Variants in TCF21 observed in about 807,000 individuals in gnomAD.
TCF21 encodes the protein transcription factor 21.
TCF21 carries 3 observed loss-of-function variants against 13.5 expected under a neutral mutation model. The observed-to-expected ratio is 0.22, with a 90% CI of 0.10 to 0.57. The LOEUF (loss-of-function observed/expected upper bound fraction) is 0.57, where lower values mean the gene tolerates loss of function less well. Ranked by LOEUF, TCF21 falls within the 20% of genes least tolerant of loss-of-function variation. The probability of loss-of-function intolerance (pLI) is 0.92; values close to 1 mark genes in which losing one functional copy is unlikely to be tolerated. For synonymous variants in TCF21, 92 were observed against 101.7 expected, an observed-to-expected ratio of 0.90 and a Z score of 0.57; for missense variants, 181 against 238.4, an observed-to-expected ratio of 0.76 and a Z score of 1.59.
At chr6:133,891,583 G>T in intron 1 of TCF21, 130 bp from the exon 2 acceptor site, 1 of 983,124 alleles carries the variant, frequency 1.0e-6, no homozygotes, top group Middle Eastern at 3.1e-4. Flanking sequence ...GGAGTAAATT[G>T]CAGAGATAAC....
Position 133,889,595 on chromosome 6 carries a change from G to A in TCF21, c.198G>A (p.Lys66=), listed in dbSNP as rs1350290268. The part of the protein sequence containing the change: ...LGKRRKAPTK[K]SPLSGVSQEG... The stretch of plus-strand genomic sequence containing the variant: ...AGAGGAGGAAGGCGCCCACCAAGAA[G>A]AGCCCCCTGAGCGGGGTCAGCCAGG... The change falls in exon 1 of 2, where the codon AAG becomes AAA. Residue 66 remains lysine, a synonymous_variant. Transcript: ENST00000367882. The surrounding 1 kb of genome is among the most constrained non-coding windows in gnomAD (Gnocchi z 5.1). 1.7e-5 allele frequency: 28 copies of A among 1,613,948 alleles called. No individual in the cohort carries two copies. The highest frequency in any genetic ancestry group is 2.7e-5 in the African/African-American group (2 of 75,052).
downstream of TCF21, chr6:133,893,231 G>A (rs1384229112): frequency 6.6e-6 from 1 of 152,314 alleles, no homozygotes. Context: ...CCCTCTGCCT[G>A]GCCATGGAGG....
At position 133,889,927 on chromosome 6, in the gene TCF21, T is replaced by A; in HGVS notation, c.450+80T>A. ...CGGTGGGCGCGAGTGCGCGCGGGGC[T>A]GGGAGTGGGGGTGTGGGCGCGGCGG... On this transcript the variant is annotated intron_variant, in intron 1 of 1. Coordinates refer to ENST00000367882, the MANE Select transcript of TCF21 (RefSeq NM_003206.4). The surrounding 1 kb of genome is among the most constrained non-coding windows in gnomAD (Gnocchi z 5.1). 1 of 1,519,648 alleles carries A rather than the reference T, an allele frequency of 6.6e-7. No individual in the cohort carries two copies. The highest frequency in any genetic ancestry group is 1.1e-5 in the South Asian group (1 of 88,366). 94.1% of individuals were successfully genotyped at this position (1,519,648 alleles called of 1,614,324 possible). A position where few individuals can be genotyped will look rare whatever the true frequency, so the allele number is the denominator to read the frequency against.
chr6:133,891,692 C>T, intron 1 of TCF21, 21 bp from the exon 2 acceptor site: 1 of 1,604,462 alleles, frequency 6.2e-7, no homozygotes, highest in South Asian at 1.1e-5. Flanking sequence ...CTTACCTCCT[C>T]CACCCTCTTC....
chr6:133,890,152 C>A (rs1034899900), intron 1 of TCF21, among the ~76,000 whole-genome samples: 1 of 152,220 alleles, frequency 6.6e-6, no homozygotes, highest in South Asian at 2.1e-4. Context: ...CCCGCTCCAT[C>A]GCCATCCTCC....
chr6:133,893,407 G>C (rs2114566181), downstream of TCF21: 1 of 152,336 alleles, frequency 6.6e-6, no homozygotes, highest in East Asian at 1.9e-4. Context: ...CTGTCTATTT[G>C]CACATGGAGG....
intron 1 of TCF21, among the ~76,000 whole-genome samples, chr6:133,890,784 T>C (rs2327431): frequency 0.87 from 132,314 of 152,236 alleles, 57,702 homozygotes; most frequent in Admixed American, 0.92. Context: ...TCTTATCAGC[T>C]AGCACTAGAG....
In TCF21 at chr6:133,889,992, A is replaced by G; in HGVS notation, c.450+145A>G. ...CGACCACCGCGGGCCTAGAGCCTCC[A>G]GGGACCGGAGGCGGGCGGTCTAGAC... On this transcript the variant is annotated intron_variant, in intron 1 of 1. Coordinates refer to ENST00000367882, the MANE Select transcript of TCF21 (RefSeq NM_003206.4). The surrounding 1 kb of genome is among the most constrained non-coding windows in gnomAD (Gnocchi z 5.1). 2 of 877,146 alleles carry G rather than the reference A, an allele frequency of 2.3e-6. No individual in the cohort carries two copies. The highest frequency in any genetic ancestry group is 5.3e-5 in the East Asian group (2 of 37,748). 54.3% of individuals were successfully genotyped at this position (877,146 alleles called of 1,614,324 possible).
rs771498542 is a variant in TCF21, at chr6:133,889,367, C to G, written c.-31C>G. The G allele has an allele frequency of 1.3e-5, 21 of 1,611,164 alleles. No individual in the cohort carries two copies. The Admixed American group carries it at 2.8e-4, about 22-fold the overall frequency. On this transcript the variant is annotated 5_prime_UTR_variant, in exon 1 of 2. Transcript: ENST00000367882. This position sits in a 1 kb window ranked among gnomAD's most constrained non-coding sequence, Gnocchi z 5.1. ...GCTTTCTCTGTCTCTCTGTCTCTCTCTCTCTCTCTCCCTCGTCCACTCCCC... is the reference window on the plus strand; with the variant it reads ...GCTTTCTCTGTCTCTCTGTCTCTCTGTCTCTCTCTCCCTCGTCCACTCCCC...
Position 133,889,288 on chromosome 6 carries a change from T to A in TCF21, c.-110T>A. On this transcript the variant is annotated 5_prime_UTR_variant, in exon 1 of 2. Coordinates refer to ENST00000367882, the MANE Select transcript of TCF21 (RefSeq NM_003206.4). This position sits in a 1 kb window ranked among gnomAD's most constrained non-coding sequence, Gnocchi z 5.1. ...CCAGCAGGAGGTGGCTGCGCCACAC[T>A]CGGGAGGCCTCTTGGTTTCAGGGTC... The A allele has an allele frequency of 7.0e-7, 1 of 1,419,944 alleles. No individual in the cohort carries two copies. The highest frequency in any genetic ancestry group is 2.3e-5 in the East Asian group (1 of 43,826). 88.0% of individuals were successfully genotyped at this position (1,419,944 alleles called of 1,614,324 possible).
At chr6:133,895,196 A>C (rs1775282605), downstream of TCF21, 1 of 152,132 alleles carries the variant, frequency 6.6e-6, no homozygotes. Context: ...GACCAAGGAG[A>C]CTTTTAAGCC....
rs1340177979 is a variant in TCF21 at position 133,889,409 on chromosome 6, C to T, written c.12C>T (p.Gly4=). 5.0e-6 allele frequency: 8 copies of T among 1,613,978 alleles called. No homozygotes were observed. The Admixed American group carries it at 1.2e-4, about 24-fold the overall frequency. Residue 4 remains glycine, a synonymous_variant, in exon 1 of 2, where the codon GGC becomes GGT. Transcript: ENST00000367882. This position sits in a 1 kb window ranked among gnomAD's most constrained non-coding sequence, Gnocchi z 5.1. MST[G]SLSDVEDLQE... ...CCACTCCCCCAAACATGTCCACCGGCTCCCTCAGCGATGTGGAGGACCTTC... is the reference window on the plus strand; with the variant it reads ...CCACTCCCCCAAACATGTCCACCGGTTCCCTCAGCGATGTGGAGGACCTTC...
Position 133,889,443 on chromosome 6 carries a change from G to A in TCF21, c.46G>A (p.Glu16Lys), listed in dbSNP as rs1388813634. 6.8e-6 allele frequency: 11 copies of A among 1,614,142 alleles called. No homozygotes were observed. The highest frequency in any genetic ancestry group is 3.3e-5 in the South Asian group (3 of 91,078). ...LSDVEDLQEV[E>K]MLECDGLKMD... is the part of the protein sequence containing the mutation. Reference sequence around the variant, plus strand: ...CGATGTGGAGGACCTTCAAGAGGTGGAGATGTTGGAATGTGACGGGTTGAA... The same window carrying A: ...CGATGTGGAGGACCTTCAAGAGGTGAAGATGTTGGAATGTGACGGGTTGAA... The change falls in exon 1 of 2, where the codon GAG (glutamate) becomes AAG (lysine). Residue 16 changes from glutamate (E) to lysine (K), a missense_variant. Coordinates refer to ENST00000367882, the MANE Select transcript of TCF21 (RefSeq NM_003206.4). The surrounding 1 kb of genome is among the most constrained non-coding windows in gnomAD (Gnocchi z 5.1).
downstream of TCF21, chr6:133,894,457 G>A (rs1365979343): frequency 6.6e-6 from 1 of 152,312 alleles, no homozygotes; most frequent in Non-Finnish European, 1.5e-5. Flanking sequence ...GTTGTCCATT[G>A]AATGGAGTGA....
chr6:133,891,636 T>G, intron 1 of TCF21, 77 bp from the exon 2 acceptor site: 49 of 564,394 alleles, frequency 8.7e-5, no homozygotes, highest in Non-Finnish European at 1.1e-4. Flanking sequence ...CCCCCCTTCC[T>G]TTCATCTCAG....
rs763917542 is a variant in TCF21, at chr6:133,891,769, C to A, written c.507C>A (p.Thr169=). 1.2e-6 allele frequency: 2 copies of A among 1,613,978 alleles called. No homozygotes were observed. The highest frequency in any genetic ancestry group is 1.7e-6 in the Non-Finnish European group (2 of 1,179,982). ...AGAGTGACCTGAAAGAAGTGGTGAC[C>A]GCGAGCCGCTTATGTGGAACCACCG... ...KPESDLKEVV[T]ASRLCGTTAS is the part of the protein sequence containing the mutation. Residue 169 remains threonine, a synonymous_variant, in exon 2 of 2, where the codon ACC becomes ACA. Transcript: ENST00000367882.
Position 133,891,891 on chromosome 6 carries a change from G to A in TCF21, c.*89G>A. The A allele has an allele frequency of 1.5e-6, 2 of 1,371,426 alleles. No homozygotes were observed. Among genetic ancestry groups the A allele is most frequent in the Non-Finnish European group, 2.0e-6 (2 of 984,296 alleles). The allele number at this position is 1,371,426 out of a possible 1,614,324, so 85.0% of individuals were successfully genotyped here. On this transcript the variant is annotated 3_prime_UTR_variant, in exon 2 of 2. Coordinates refer to ENST00000367882, the MANE Select transcript of TCF21 (RefSeq NM_003206.4). Reference sequence around the variant, plus strand: ...CCTGCCCTCAGTGCTCTCTGTCTCTGCTTCCCCCTCGCAATGCTCCTCTCT... The same window carrying A: ...CCTGCCCTCAGTGCTCTCTGTCTCTACTTCCCCCTCGCAATGCTCCTCTCT...
chr6:133,892,470 G>T (rs1775235086), downstream of TCF21: 1 of 152,166 alleles, frequency 6.6e-6, no homozygotes, highest in South Asian at 2.1e-4. Flanking sequence ...AAGGCTAATA[G>T]AAATTATATA....
downstream of TCF21, chr6:133,894,993 C>T (rs1002857534): frequency 1.3e-5 from 2 of 150,852 alleles, no homozygotes; most frequent in Non-Finnish European, 3.0e-5. Context: ...GGACTGCAGC[C>T]AGGGAAGTCC....
Sources: gnomAD v4.1 joint callset for allele counts (sites outside exome capture counted in the v4.1 genomes callset) on GRCh38, gnomAD v4.1.1 for gene constraint, Gnocchi (gnomAD v3.1) non-coding constraint, MANE v1.5 for transcripts, NCBI Gene and HGNC (gene_info 2026-07-23, HGNC 2026-07-21) for gene names.